PZP: variants seen among roughly 807,000 people sequenced by gnomAD.
The protein encoded by PZP is PZP alpha-2-macroglobulin like, also known as pregnancy zone protein.
Under a neutral mutation model 179.8 loss-of-function variants are expected in PZP, and 150 were observed. The ratio of observed to expected loss-of-function variants is 0.83; its 90% CI spans 0.73 to 0.96. The LOEUF (loss-of-function observed/expected upper bound fraction) is 0.96, where lower values mean the gene tolerates loss of function less well. Ranked by LOEUF, PZP falls within the 40% of genes least tolerant of loss-of-function variation. The probability of loss-of-function intolerance (pLI) is 0.00; values close to 1 mark genes in which losing one functional copy is unlikely to be tolerated. For synonymous variants in PZP, 624 were observed against 652.3 expected, an observed-to-expected ratio of 0.96 and a Z score of 0.66; for missense variants, 1,689 against 1,764.0, an observed-to-expected ratio of 0.96 and a Z score of 0.76.
intron 4 of PZP, among the ~76,000 whole-genome samples, 199 bp downstream of exon 4, chr12:9,202,120 T>C (rs1944196258): frequency 6.6e-6 from 1 of 152,212 alleles, no homozygotes; most frequent in African/African-American, 2.4e-5. Flanking sequence ...GATTAAATAC[T>C]GTTATAAGAG....
chr12:9,166,675 T>C (rs1261247477), intron 17 of PZP, among the ~76,000 whole-genome samples: 1 of 152,248 alleles, frequency 6.6e-6, no homozygotes, highest in Non-Finnish European at 1.5e-5. Flanking sequence ...TTTAAATCAC[T>C]GTATGGAACT....
intron 1 of PZP, among the ~76,000 whole-genome samples, chr12:9,207,898 A>G (rs1944520115): frequency 6.6e-6 from 1 of 151,924 alleles, no homozygotes; most frequent in South Asian, 2.1e-4. Flanking sequence ...TACTTTCTGT[A>G]TATATATATA....
chr12:9,149,387 T>G (rs775874177), intron 35 of PZP, among the ~76,000 whole-genome samples, 174 bp downstream of exon 35: 2 of 152,330 alleles, frequency 1.3e-5, no homozygotes, highest in South Asian at 4.1e-4. Flanking sequence ...TATCTGAAAT[T>G]GGAGAGTCCG....
Position 9,158,284 on chromosome 12 carries a change from A to C in PZP, c.3294+136T>G, listed in dbSNP as rs773339197. Reference sequence around the variant, plus strand: ...TTCTTCCTTCTCTGTAGAAAGTGTAATACTCTTTCCCTGATGCCATCCCAC... The same window carrying C: ...TTCTTCCTTCTCTGTAGAAAGTGTACTACTCTTTCCCTGATGCCATCCCAC... On this transcript the variant is annotated intron_variant, in intron 26 of 35. Coordinates refer to ENST00000261336, the MANE Select transcript of PZP (RefSeq NM_002864.3). 16 of 1,297,784 alleles carry C rather than the reference A, an allele frequency of 1.2e-5. No homozygotes were observed. The East Asian group carries it at 3.2e-4, about 26-fold the overall frequency. 80.4% of individuals were successfully genotyped at this position (1,297,784 alleles called of 1,614,324 possible).
At chr12:9,200,340 T>G (rs1944082850) in intron 7 of PZP, 24 bp downstream of exon 7, 4 of 1,521,290 alleles carry the variant, frequency 2.6e-6, no homozygotes, top group Middle Eastern at 3.4e-4. Flanking sequence ...ATATAAAATT[T>G]TAGATAAAAA....
At chr12:9,154,554 A>T in intron 29 of PZP, 62 bp downstream of exon 29, 1 of 1,456,234 alleles carries the variant, frequency 6.9e-7, no homozygotes, top group Non-Finnish European at 9.5e-7. Context: ...TAACTGTTCT[A>T]CTTTTAAGCC....
rs1397266308 is a variant in PZP at position 9,192,557 on chromosome 12, A to G, written c.1437T>C (p.Asn479=). ...CCGATAACTCTCCCATGGCCTGTCTATTCAGTGTATAGTGTGCCGTGATAG... is the reference window on the plus strand; with the variant it reads ...CCGATAACTCTCCCATGGCCTGTCTGTTCAGTGTATAGTGTGCCGTGATAG... ...TETITAHYTL[N]RQAMGELSEL... Residue 479 remains asparagine, a synonymous_variant, in exon 12 of 36, where the codon AAT becomes AAC. Transcript: ENST00000261336. 1 of 1,614,164 alleles carries G rather than the reference A, an allele frequency of 6.2e-7. No homozygotes were observed. Among genetic ancestry groups the G allele is most frequent in the South Asian group, 1.1e-5 (1 of 91,082 alleles).
At chr12:9,208,212 A>G in intron 1 of PZP, 47 bp downstream of exon 1, 1 of 1,449,616 alleles carries the variant, frequency 6.9e-7, no homozygotes, top group Non-Finnish European at 9.7e-7. Flanking sequence ...GACACAAGGG[A>G]GAGACTGAAA....
intron 13 of PZP, among the ~76,000 whole-genome samples, chr12:9,185,776 G>A (rs1943061154): frequency 1.4e-5 from 1 of 73,214 alleles, no homozygotes; most frequent in East Asian, 4.2e-4. Context: ...AGAGATTTGG[G>A]GCCTATGTTC....
Position 9,181,669 on chromosome 12 carries a change from G to A in PZP, c.1689+306C>T, listed in dbSNP as rs1476778765. On this transcript the variant is annotated intron_variant, in intron 14 of 35. Coordinates refer to ENST00000261336, the MANE Select transcript of PZP (RefSeq NM_002864.3). The stretch of plus-strand genomic sequence containing the variant: ...CTGACACATGATAAGGTAATTCTAG[G>A]TGTTTACACTTATTCTTCAGGTTTT... Among the ~76,000 whole-genome samples the A allele has an allele frequency of 3.3e-5, 5 of 152,148 alleles. No homozygotes were observed. The South Asian group carries it at 6.2e-4, about 19-fold the overall frequency.
At chr12:9,203,687 A>C (rs1942977291) in intron 2 of PZP, 81 bp downstream of exon 2, 1 of 1,509,306 alleles carries the variant, frequency 6.6e-7, no homozygotes, top group African/African-American at 1.4e-5. Flanking sequence ...GGGATCGCAC[A>C]CCAGAGCTCC....
At chr12:9,148,270 T>C (rs1298200751), downstream of PZP, among the ~76,000 whole-genome samples, 1 of 152,196 alleles carries the variant, frequency 6.6e-6, no homozygotes, top group Non-Finnish European at 1.5e-5. Flanking sequence ...GAATACAATA[T>C]GGTTAACTGT....
the PZP span, among the ~76,000 whole-genome samples, chr12:9,137,893 G>T: frequency 6.6e-6 from 1 of 151,974 alleles, no homozygotes; most frequent in Admixed American, 6.5e-5. Flanking sequence ...CTGTATTTGT[G>T]TATTAGTTTT....
chr12:9,180,980 C>T lies in PZP; in HGVS notation c.1839+3G>A. On this transcript the variant is annotated splice_donor_region_variant and intron_variant, in intron 15 of 35. Coordinates refer to ENST00000261336, the MANE Select transcript of PZP (RefSeq NM_002864.3). ...CTGGTCCCCAAGGCCACTGGAAACT[C>T]ACTGAGGACACAGAGAGCTCAGCCT... is the stretch of plus-strand genomic sequence containing the variant. The T allele has an allele frequency of 1.2e-6, 2 of 1,611,878 alleles. No homozygotes were observed. The highest frequency in any genetic ancestry group is 1.7e-6 in the Non-Finnish European group (2 of 1,179,248).
At chr12:9,139,296 G>A in the PZP span, among the ~76,000 whole-genome samples, 5 of 152,080 alleles carry the variant, frequency 3.3e-5, no homozygotes, top group Non-Finnish European at 5.9e-5. Context: ...GACACTTGGT[G>A]TGATTTCAAT....
Position 9,151,659 on chromosome 12 carries a change from CTAG to C in PZP, c.4223_4225del (p.Ser1408_Ser1409delinsCys). ...GCTCACTTCTGTCCGGCTCACAGAG[CTAG>C]ATCTTTCAAGCTGGAGAGAATTAGA... On this transcript the variant is annotated inframe_deletion, in exon 33 of 36. Transcript: ENST00000261336. 6.2e-7 allele frequency: 1 copy of C among 1,613,676 alleles called. No individual in the cohort carries two copies. The highest frequency in any genetic ancestry group is 8.5e-7 in the Non-Finnish European group (1 of 1,179,764).
chr12:9,200,766 T>C, intron 6 of PZP, 126 bp downstream of exon 6: 1 of 1,001,298 alleles, frequency 1.0e-6, no homozygotes, highest in Non-Finnish European at 1.5e-6. Context: ...GTCCTAATGG[T>C]CTTAGAAGCA....
chr12:9,149,868 G>C (rs1940218341), intron 34 of PZP, among the ~76,000 whole-genome samples: 1 of 152,144 alleles, frequency 6.6e-6, no homozygotes, highest in Admixed American at 6.5e-5. Context: ...GCACTAACCT[G>C]TAGTTCTCTC....
intron 17 of PZP, 77 bp from the exon 18 acceptor site, chr12:9,166,279 C>T: frequency 6.8e-6 from 10 of 1,464,794 alleles, no homozygotes; most frequent in African/African-American, 1.4e-5. Context: ...CGTTAGAGAA[C>T]AAAATTTTCA....
Sources: gnomAD v4.1 joint callset for allele counts (sites outside exome capture counted in the v4.1 genomes callset) on GRCh38, gnomAD v4.1.1 for gene constraint, MANE v1.5 for transcripts, NCBI Gene and HGNC (gene_info 2026-07-23, HGNC 2026-07-21) for gene names.